Variants in LAMB1 observed in about 807,000 individuals in gnomAD.
LAMB1 encodes the protein laminin subunit beta 1, also known as laminin subunit beta-1.
LAMB1 carries 121 observed loss-of-function variants against 222.3 expected under a neutral mutation model. That is an observed-to-expected ratio of 0.54 (90% confidence interval 0.47 to 0.63). The LOEUF (loss-of-function observed/expected upper bound fraction) is 0.63, where lower values mean the gene tolerates loss of function less well. Among genes scored for constraint, LAMB1 ranks in the 30% least tolerant of loss-of-function variants. The pLI, the probability that LAMB1 is intolerant of heterozygous loss-of-function variation, is 0.00. For synonymous variants in LAMB1, 794 were observed against 807.2 expected (o/e 0.98, Z 0.28); for missense variants, 2,172 against 2,240.8 (o/e 0.97, Z 0.62).
chr7:107,929,204 T>G lies in LAMB1; in HGVS notation c.4747A>C (p.Lys1583Gln). 1.2e-6 allele frequency: 2 copies of G among 1,613,994 alleles called. No individual in the cohort carries two copies. Among genetic ancestry groups the G allele is most frequent in the Non-Finnish European group, 1.7e-6 (2 of 1,179,934 alleles). ...MLLEEAKRAS[K>Q]SATDVKVTAD... Reference sequence around the variant, plus strand: ...GTGACTTTAACATCTGTTGCACTTTTGCTGAGTAAAAAATAATGAGACAGT... The same window carrying G: ...GTGACTTTAACATCTGTTGCACTTTGGCTGAGTAAAAAATAATGAGACAGT... The change falls in exon 31 of 34, where the codon AAA becomes CAA. Residue 1583 changes from lysine (K) to glutamine (Q), a missense_variant and splice_region_variant. Lys to Gln is a moderately conservative substitution (Grantham distance 53). Transcript: ENST00000222399.
At chr7:107,959,896 A>ATCC in intron 18 of LAMB1, 62 bp from the exon 19 acceptor site, 2 of 1,558,272 alleles carry the variant, frequency 1.3e-6, no homozygotes, top group Non-Finnish European at 1.7e-6. Flanking sequence ...GCTCTCCCTG[A>ATCC]TCCTTTCTCC....
At position 107,937,103 on chromosome 7, in the gene LAMB1, T is replaced by TG; in HGVS notation, c.3935dup (p.Asp1313ArgfsTer8). 6.2e-7 allele frequency: 1 copy of TG among 1,613,592 alleles called. No homozygotes were observed. Among genetic ancestry groups the TG allele is most frequent in the South Asian group, 1.1e-5 (1 of 90,964 alleles). ...CCAAAAAATGCTCACCCCGAATATCTGAGTTTTTGATAAATTCCAGTTGTT... is the reference window on the plus strand; with the variant it reads ...CCAAAAAATGCTCACCCCGAATATCTGGAGTTTTTGATAAATTCCAGTTGTT... On this transcript the variant is annotated frameshift_variant, in exon 26 of 34. Coordinates refer to ENST00000222399, the MANE Select transcript of LAMB1 (RefSeq NM_002291.3). LOFTEE classifies it high-confidence loss of function.
intron 29 of LAMB1, among the ~76,000 whole-genome samples, chr7:107,930,841 G>T (rs1241009457): frequency 1.3e-5 from 2 of 152,248 alleles, no homozygotes; most frequent in East Asian, 1.9e-4. Flanking sequence ...TCCTGCTACT[G>T]GATATCTTAT....
intron 7 of LAMB1, 37 bp from the exon 8 acceptor site, chr7:107,980,848 G>T: frequency 2.3e-6 from 3 of 1,321,280 alleles, no homozygotes; most frequent in Non-Finnish European, 2.1e-6. Flanking sequence ...AGTCTGATCA[G>T]ACAAGCAAGA....
Position 107,974,972 on chromosome 7 carries a change from G to A in LAMB1, c.1482+14C>T. On this transcript the variant is annotated intron_variant, in intron 12 of 33. Coordinates refer to ENST00000222399, the MANE Select transcript of LAMB1 (RefSeq NM_002291.3). ...TCACCAACCACCCATCCCACGTAAT[G>A]AGGATTTACTTACCAGGCACTGGTC... 2.8e-6 allele frequency: 4 copies of A among 1,446,754 alleles called. No homozygotes were observed. The South Asian group carries it at 3.4e-5, about 12-fold the overall frequency. 89.6% of individuals were successfully genotyped at this position (1,446,754 alleles called of 1,614,324 possible). A position where few individuals can be genotyped will look rare whatever the true frequency, so the allele number is the denominator to read the frequency against.
Position 107,971,688 on chromosome 7 carries a change from C to T in LAMB1, c.1562+1304G>A, listed in dbSNP as rs541926930. 2.4e-3 allele frequency among the ~76,000 whole-genome samples: 370 copies of T among 152,336 alleles called. 2 individuals are homozygous for T. Among genetic ancestry groups the T allele is most frequent in the African/African-American group, 8.3e-3 (344 of 41,572 alleles). Reference sequence around the variant, plus strand: ...TAGACAATTTTGCTTCCCAAACTCTCTTGGTGAATACATTCTGGTTTTTAT... The same window carrying T: ...TAGACAATTTTGCTTCCCAAACTCTTTTGGTGAATACATTCTGGTTTTTAT... On this transcript the variant is annotated intron_variant, in intron 13 of 33. Coordinates refer to ENST00000222399, the MANE Select transcript of LAMB1 (RefSeq NM_002291.3).
chr7:107,951,332 G>C lies in LAMB1; in HGVS notation c.3295-10C>G, dbSNP rs1373353905. ...GGCACTGCCCCGTGAACTGCGGCCAGAACACAGACCTTGGTCAAGCAGGCT... is the reference window on the plus strand; with the variant it reads ...GGCACTGCCCCGTGAACTGCGGCCACAACACAGACCTTGGTCAAGCAGGCT... On this transcript the variant is annotated splice_polypyrimidine_tract_variant and intron_variant, in intron 23 of 33. Coordinates refer to ENST00000222399, the MANE Select transcript of LAMB1 (RefSeq NM_002291.3). 3.1e-6 allele frequency: 5 copies of C among 1,613,526 alleles called. No homozygotes were observed. In the East Asian group the frequency reaches 1.1e-4, roughly 36 times the overall value.
chr7:107,960,884 G>T (rs1398452255), intron 17 of LAMB1, among the ~76,000 whole-genome samples: 1 of 152,146 alleles, frequency 6.6e-6, no homozygotes, highest in Non-Finnish European at 1.5e-5. Context: ...TTTAGAGATG[G>T]GGTCTTGCTT....
chr7:107,947,983 CT>C (rs10630521), intron 24 of LAMB1, among the ~76,000 whole-genome samples: 4,119 of 117,174 alleles, frequency 0.035, 163 homozygotes, highest in African/African-American at 0.13. Flanking sequence ...TCTTCTTCTT[CT>C]TTTTTTTTTT....
intron 4 of LAMB1, among the ~76,000 whole-genome samples, chr7:107,996,255 C>T (rs531140553): frequency 6.6e-6 from 1 of 152,202 alleles, no homozygotes; most frequent in Non-Finnish European, 1.5e-5. Flanking sequence ...ACCAAAAGCA[C>T]ATTCCATTTA....
intron 4 of LAMB1, among the ~76,000 whole-genome samples, chr7:107,996,518 A>G (rs1321198119): frequency 6.6e-6 from 1 of 152,146 alleles, no homozygotes; most frequent in Non-Finnish European, 1.5e-5. Context: ...ACATTCATAA[A>G]CTCTTAAACT....
chr7:107,995,273 A>G (rs535127121), intron 4 of LAMB1, among the ~76,000 whole-genome samples: 1 of 152,334 alleles, frequency 6.6e-6, no homozygotes, highest in South Asian at 2.1e-4. Context: ...CCTAGCCAGA[A>G]GTGAAACATC....
At position 107,963,006 on chromosome 7, in the gene LAMB1, C is replaced by T; in HGVS notation, c.1756G>A (p.Ala586Thr). 1 of 1,614,058 alleles carries T rather than the reference C, an allele frequency of 6.2e-7. No individual in the cohort carries two copies. The highest frequency in any genetic ancestry group is 1.1e-5 in the South Asian group (1 of 91,076). The stretch of plus-strand genomic sequence containing the variant: ...CCTTCAGGCACTCGGACGAAGCCGG[C>T]TCCAGTCCAGGAGGGAATCCGGTCC... ...IQDRIPSWTG[A>T]GFVRVPEGAY... The change falls in exon 15 of 34, where the codon GCC (alanine) becomes ACC (threonine). Residue 586 changes from alanine to threonine, a missense_variant. Coordinates refer to ENST00000222399, the MANE Select transcript of LAMB1 (RefSeq NM_002291.3).
intron 7 of LAMB1, among the ~76,000 whole-genome samples, chr7:107,983,919 C>T (rs1044124888): frequency 1.3e-5 from 2 of 152,064 alleles, no homozygotes; most frequent in African/African-American, 2.4e-5. Flanking sequence ...AACTGAGCAC[C>T]GTAACATATG....
intron 32 of LAMB1, 47 bp from the exon 33 acceptor site, chr7:107,924,436 G>A: frequency 1.4e-6 from 2 of 1,457,318 alleles, no homozygotes; most frequent in Non-Finnish European, 1.9e-6. Context: ...GTTAGTGTCA[G>A]TAATTACATT....
chr7:107,959,934 C>A, intron 18 of LAMB1, 100 bp from the exon 19 acceptor site: 1 of 1,439,852 alleles, frequency 6.9e-7, no homozygotes, highest in South Asian at 1.4e-5. Flanking sequence ...ATTCAGAGTT[C>A]TGGTTTAAAA....
intron 5 of LAMB1, among the ~76,000 whole-genome samples, chr7:107,993,291 G>A (rs570259722): frequency 5.3e-5 from 8 of 152,062 alleles, no homozygotes; most frequent in African/African-American, 1.7e-4. Context: ...GTGCCACCAC[G>A]CCTGGCTAAT....
At chr7:107,927,753 C>G (rs766433761) in intron 31 of LAMB1, among the ~76,000 whole-genome samples, 21 of 152,100 alleles carry the variant, frequency 1.4e-4, no homozygotes, top group Non-Finnish European at 2.1e-4. Context: ...TTTTTCTAAA[C>G]TTGAACAAAT....
intron 27 of LAMB1, among the ~76,000 whole-genome samples, chr7:107,934,792 G>C (rs1001597515): frequency 2.6e-5 from 4 of 151,956 alleles, no homozygotes; most frequent in Non-Finnish European, 4.4e-5. Flanking sequence ...CAAGCTGGGT[G>C]TGGTGGCACA....
Sources: allele counts gnomAD v4.1 joint callset (sites outside exome capture counted in the v4.1 genomes callset), GRCh38; gene constraint gnomAD v4.1.1; transcripts MANE v1.5; gene names NCBI Gene and HGNC (gene_info 2026-07-23, HGNC 2026-07-21).